SLC4A1: variants seen among roughly 807,000 people sequenced by gnomAD.
SLC4A1 encodes the protein band 3 anion transport protein.
SLC4A1 carries 29 observed loss-of-function variants against 93.1 expected under a neutral mutation model. The observed-to-expected ratio is 0.31, with a 90% confidence interval of 0.23 to 0.42. SLC4A1 has a LOEUF of 0.42. Ranked by LOEUF, SLC4A1 falls within the 20% of genes least tolerant of loss-of-function variation. The pLI, the probability that SLC4A1 is intolerant of heterozygous loss-of-function variation, is 1.00. For missense variants in SLC4A1, 965 were observed against 1,190.1 expected, an observed-to-expected ratio of 0.81 and a Z score of 2.78; for synonymous variants, 469 against 497.2, an observed-to-expected ratio of 0.94 and a Z score of 0.76.
intron 19 of SLC4A1, 75 bp downstream of exon 19, chr17:44,251,084 C>G: frequency 2.0e-6 from 3 of 1,489,478 alleles, no homozygotes; most frequent in Non-Finnish European, 2.7e-6. Flanking sequence ...TGACTCTGTC[C>G]TGCCTGCCCT....
In SLC4A1 at chr17:44,251,230, C is replaced by T. The variant is rs5026; in HGVS notation, c.2584G>A (p.Val862Ile). Residue 862 changes from valine to isoleucine, a missense_variant, in exon 19 of 20, where the codon GTC becomes ATC. Coordinates refer to ENST00000262418, the MANE Select transcript of SLC4A1 (RefSeq NM_000342.4). Reference protein sequence around the residue: ...STPASLALPFVLILTVPLRRV... With the variant: ...STPASLALPFILILTVPLRRV... ...CGCAGCGGCACAGTGAGGATGAGGA[C>T]GAAGGGCAGGGCCAGGGAGGCCGGC... 5.1e-3 allele frequency: 8,205 copies of T among 1,614,054 alleles called. 350 individuals are homozygous for T. The African/African-American group carries it at 0.096, about 19-fold the overall frequency.
rs1385634590 is a variant in SLC4A1 at position 44,257,682 on chromosome 17, C to G, written c.1408G>C (p.Val470Leu). ...LVVGFSGPLL[V>L]FEEAFFSFCE... ...ACCGAGAAGAAGGCTTCCTCAAACA[C>G]CAGCAGGGGTCCTGAGAAGCCGACC... The change falls in exon 12 of 20, where the codon GTG becomes CTG. Residue 470 changes from valine (V) to leucine (L), a missense_variant. Val to Leu is a conservative substitution (Grantham distance 32). Around this residue, in one of 2 missense-constraint regions of SLC4A1, gnomAD observed 770 missense variants for 1,006.6 expected, o/e 0.76. Coordinates refer to ENST00000262418, the MANE Select transcript of SLC4A1 (RefSeq NM_000342.4). 1 of 1,613,738 alleles carries G rather than the reference C, an allele frequency of 6.2e-7. No homozygotes were observed. Among genetic ancestry groups the G allele is most frequent in the Non-Finnish European group, 8.5e-7 (1 of 1,179,974 alleles).
intron 16 of SLC4A1, among the ~76,000 whole-genome samples, chr17:44,253,609 C>T (rs1176338540): frequency 6.6e-6 from 1 of 151,510 alleles, no homozygotes; most frequent in Non-Finnish European, 1.5e-5. Flanking sequence ...CTTCAGGGAG[C>T]TTTGCTTGTA....
rs2047459671 is a variant in SLC4A1 at position 44,262,908 on chromosome 17, C to A, written c.-42G>T. 1 of 1,613,808 alleles carries A rather than the reference C, an allele frequency of 6.2e-7. No homozygotes were observed. Among genetic ancestry groups the A allele is most frequent in the Non-Finnish European group, 8.5e-7 (1 of 1,180,032 alleles). On this transcript the variant is annotated 5_prime_UTR_variant, in exon 2 of 20. Transcript: ENST00000262418. ...TCCAGTTGTCTACGGTGATCTGAGC[C>A]CCCAGCATAACCCGCACCGCGGGTC...
rs1598298075 is a variant in SLC4A1, at chr17:44,255,242, G to C, written c.1855C>G (p.Leu619Val). The C allele has an allele frequency of 6.4e-7, 1 of 1,558,652 alleles. No individual in the cohort carries two copies. Among genetic ancestry groups the C allele is most frequent in the East Asian group, 2.4e-5 (1 of 42,456 alleles). The change falls in exon 15 of 20, where the codon CTG (leucine) becomes GTG (valine). Residue 619 changes from leucine to valine, a missense_variant. By Grantham distance (32) the Leu-to-Val change is conservative. Transcript: ENST00000262418. ...GTATCCTGAATGAAGAAATCCACCA[G>C]GACCATGATCAGGATGGAGATGGGG... ...GVPISILIMV[L>V]VDFFIQDTYT...
rs748181631 is a variant in SLC4A1, at chr17:44,259,343, G to T, written c.696C>A (p.Gly232=). The T allele has an allele frequency of 1.9e-6, 3 of 1,613,360 alleles. No individual in the cohort carries two copies. The highest frequency in any genetic ancestry group is 2.5e-6 in the Non-Finnish European group (3 of 1,179,828). The part of the protein sequence containing the change: ...PDSEATLVLV[G]RADFLEQPVL... ...CCGGCTGCTCCAGGAAGTCGGCGCG[G>T]CCTGTTAGGGGATGAGAAGATCAGG... The change falls in exon 9 of 20, where the codon GGC becomes GGA. Residue 232 remains glycine (G), a splice_region_variant and synonymous_variant. Coordinates refer to ENST00000262418, the MANE Select transcript of SLC4A1 (RefSeq NM_000342.4).
At position 44,250,357 on chromosome 17, in the gene SLC4A1, G is replaced by T; in HGVS notation, c.*101C>A. On this transcript the variant is annotated 3_prime_UTR_variant, in exon 20 of 20. Coordinates refer to ENST00000262418, the MANE Select transcript of SLC4A1 (RefSeq NM_000342.4). ...CCCTGGGGCCTCAGCTGCTGCTCCAGGAGGATCCTGGAGTCCATGAGGTGC... is the reference window on the plus strand; with the variant it reads ...CCCTGGGGCCTCAGCTGCTGCTCCATGAGGATCCTGGAGTCCATGAGGTGC... 1.0e-6 allele frequency: 1 copy of T among 986,052 alleles called. No homozygotes were observed. Among genetic ancestry groups the T allele is most frequent in the Non-Finnish European group, 1.6e-6 (1 of 621,050 alleles). 61.1% of individuals were successfully genotyped at this position (986,052 alleles called of 1,614,324 possible).
At chr17:44,250,842 T>C (rs1004615909) in intron 19 of SLC4A1, among the ~76,000 whole-genome samples, 1 of 152,068 alleles carries the variant, frequency 6.6e-6, no homozygotes, top group South Asian at 2.1e-4. Flanking sequence ...ATTAGAGGAG[T>C]GACTCTGTCC....
chr17:44,259,476 G>A (rs1452093491), intron 8 of SLC4A1, 21 bp downstream of exon 8: 1 of 1,607,648 alleles, frequency 6.2e-7, no homozygotes, highest in Non-Finnish European at 8.5e-7. Context: ...GAGGGCTGAG[G>A]GTAGAGATGC....
Position 44,257,584 on chromosome 17 carries a change from T to A in SLC4A1, c.1432-40A>T, listed in dbSNP as rs763419925. On this transcript the variant is annotated intron_variant, in intron 12 of 19. Coordinates refer to ENST00000262418, the MANE Select transcript of SLC4A1 (RefSeq NM_000342.4). ...GAAGAAGCCGGTCAGTCAAAGGGTCTTGGGGCAAGGCACCATGCATCAGGC... is the reference window on the plus strand; with the variant it reads ...GAAGAAGCCGGTCAGTCAAAGGGTCATGGGGCAAGGCACCATGCATCAGGC... 5.0e-6 allele frequency: 8 copies of A among 1,613,104 alleles called. No individual in the cohort carries two copies. The African/African-American group carries it at 8.0e-5, about 16-fold the overall frequency.
chr17:44,263,712 TC>T (rs772514268), intron 1 of SLC4A1, among the ~76,000 whole-genome samples: 1 of 5,360 alleles, frequency 1.9e-4, no homozygotes, highest in Non-Finnish European at 9.5e-4. Flanking sequence ...CTTCCCTCCT[TC>T]CTTCCTTCCT....
At chr17:44,250,679 G>A (rs567135935) in intron 19 of SLC4A1, 141 bp from the exon 20 acceptor site, 34 of 700,236 alleles carry the variant, frequency 4.9e-5, no homozygotes, top group Admixed American at 2.1e-4. Flanking sequence ...TATCTCCCCA[G>A]CAGCTAGGAC....
intron 1 of SLC4A1, among the ~76,000 whole-genome samples, chr17:44,267,804 C>T (rs1331870643): frequency 6.7e-6 from 1 of 149,698 alleles, no homozygotes; most frequent in Non-Finnish European, 1.5e-5. Flanking sequence ...ATACCCCCCG[C>T]AACACACGCA....
At position 44,258,351 on chromosome 17, in the gene SLC4A1, T is replaced by C; in HGVS notation, c.1087+62A>G. 6.6e-7 allele frequency: 1 copy of C among 1,517,786 alleles called. No homozygotes were observed. Among genetic ancestry groups the C allele is most frequent in the East Asian group, 2.3e-5 (1 of 44,326 alleles). 94.0% of individuals were successfully genotyped at this position (1,517,786 alleles called of 1,614,324 possible). A position where few individuals can be genotyped will look rare whatever the true frequency, so the allele number is the denominator to read the frequency against. ...GGAACATGTGATGGGAGACAGAGGC[T>C]ACGCTGAGGTGTCTGGGGGTCGGTG... is the stretch of plus-strand genomic sequence containing the variant. On this transcript the variant is annotated intron_variant, in intron 10 of 19. Transcript: ENST00000262418. The surrounding 1 kb of genome is among the most constrained non-coding windows in gnomAD (Gnocchi z 6.1).
chr17:44,261,319 C>T (rs2047442360), intron 4 of SLC4A1, among the ~76,000 whole-genome samples: 1 of 152,192 alleles, frequency 6.6e-6, no homozygotes. Context: ...GACAGCCCAG[C>T]CAGGGCCTGA....
chr17:44,261,513 C>T (rs2047444189), intron 4 of SLC4A1, 62 bp downstream of exon 4: 1 of 1,613,950 alleles, frequency 6.2e-7, no homozygotes, highest in Non-Finnish European at 8.5e-7. Flanking sequence ...CCTCTCTTCC[C>T]TGATCAAATG....
rs2047323545 is a variant in SLC4A1 at position 44,249,862 on chromosome 17, A to G, written c.*596T>C. On this transcript the variant is annotated 3_prime_UTR_variant, in exon 20 of 20. Coordinates refer to ENST00000262418, the MANE Select transcript of SLC4A1 (RefSeq NM_000342.4). The stretch of plus-strand genomic sequence containing the variant: ...ACCTTGAAATCAGAAGGCCTGGTTC[A>G]AATCCCAGCTGCACGGCTCAGTTCA... The G allele has an allele frequency of 6.4e-6, 1 of 156,584 alleles. No individual in the cohort carries two copies. The allele number at this position is 156,584 out of a possible 1,614,324, so 9.7% of individuals were successfully genotyped here.
At position 44,260,747 on chromosome 17, in the gene SLC4A1, C is replaced by T. The variant is rs371489580; in HGVS notation, c.237G>A (p.Ala79=). 150 of 1,614,102 alleles carry T rather than the reference C, an allele frequency of 9.3e-5. No homozygotes were observed. The highest frequency in any genetic ancestry group is 1.2e-4 in the Non-Finnish European group (139 of 1,180,036). ...GGTTCTCCTCCAGTTGCACCCAGCG[C>T]GCCGCCTCCATCCATCTCAGCTCCT... ...KNQELRWMEA[A]RWVQLEENLG... is the part of the protein sequence containing the mutation. Residue 79 remains alanine (A), a synonymous_variant, in exon 5 of 20, where the codon GCG becomes GCA. Transcript: ENST00000262418.
chr17:44,255,425 T>A, intron 14 of SLC4A1, 129 bp from the exon 15 acceptor site: 2 of 779,310 alleles, frequency 2.6e-6, no homozygotes, highest in Non-Finnish European at 4.3e-6. Flanking sequence ...TGCCCTGTCC[T>A]GCACCTCAGC....
Sources: allele counts gnomAD v4.1 joint callset (sites outside exome capture counted in the v4.1 genomes callset), GRCh38; gene constraint gnomAD v4.1.1; regional missense constraint gnomAD v4.1.1; non-coding constraint Gnocchi (gnomAD v3.1); transcripts MANE v1.5; gene names NCBI Gene and HGNC (gene_info 2026-07-23, HGNC 2026-07-21).